The following ARHGAP10 variants were observed in gnomAD, a reference collection of about 807,000 sequenced individuals.
ARHGAP10 encodes the protein Rho GTPase activating protein 10.
In ARHGAP10, 87 loss-of-function variants were observed where a neutral mutation model predicts 108.6. The ratio of observed to expected loss-of-function variants is 0.80; its 90% CI spans 0.67 to 0.96. The LOEUF (loss-of-function observed/expected upper bound fraction) is 0.96. Among genes scored for constraint, ARHGAP10 ranks in the 40% least tolerant of loss-of-function variants. ARHGAP10 has a pLI of 0.00. For synonymous variants in ARHGAP10, 347 were observed against 341.1 expected (o/e 1.02, Z -0.19); for missense variants, 939 against 954.5 (o/e 0.98, Z 0.21).
chr4:148,039,201 A>T (rs1296637628), intron 19 of ARHGAP10, among the ~76,000 whole-genome samples: 1 of 152,018 alleles, frequency 6.6e-6, no homozygotes, highest in African/African-American at 2.4e-5. Context: ...TTAAATACTT[A>T]AGGAATTTCT....
intron 1 of ARHGAP10, among the ~76,000 whole-genome samples, chr4:147,780,626 C>G (rs771427526): frequency 5.3e-5 from 8 of 152,172 alleles, no homozygotes; most frequent in Non-Finnish European, 1.0e-4. Context: ...TTCCCCTCTT[C>G]TCCTTTGCAT....
At chr4:147,972,259 A>G (rs922279399) in intron 18 of ARHGAP10, among the ~76,000 whole-genome samples, 1 of 152,208 alleles carries the variant, frequency 6.6e-6, no homozygotes, top group Non-Finnish European at 1.5e-5. Flanking sequence ...TGGGTCTACT[A>G]TAAAGGGTAT....
chr4:148,037,579 A>C (rs1185793881), intron 19 of ARHGAP10, among the ~76,000 whole-genome samples: 2 of 152,152 alleles, frequency 1.3e-5, no homozygotes, highest in African/African-American at 4.8e-5. Flanking sequence ...TCACACCTGT[A>C]ATCCCAACCC....
chr4:147,886,678 T>C (rs1407895331), intron 10 of ARHGAP10, among the ~76,000 whole-genome samples: 2 of 152,232 alleles, frequency 1.3e-5, no homozygotes, highest in African/African-American at 4.8e-5. Flanking sequence ...AGAAGCAATT[T>C]CTACTGTATT....
rs183349054 is a variant in ARHGAP10, at chr4:147,886,166, A to G, written c.1034+4234A>G. Among the ~76,000 whole-genome samples, 291 of 152,326 alleles carry G rather than the reference A, an allele frequency of 1.9e-3. 4 individuals carry two copies. The highest frequency in any genetic ancestry group is 6.5e-4 in the Non-Finnish European group (44 of 68,028). Reference sequence around the variant, plus strand: ...GTATGTGCAAATATTCTAAAATCCAAAAAAAATTGAAATCCAGAACCCTTC... The same window carrying G: ...GTATGTGCAAATATTCTAAAATCCAGAAAAAATTGAAATCCAGAACCCTTC... On this transcript the variant is annotated intron_variant, in intron 10 of 22. Coordinates refer to ENST00000336498, the MANE Select transcript of ARHGAP10 (RefSeq NM_024605.4).
chr4:148,040,070 T>G (rs1728563802), intron 19 of ARHGAP10, among the ~76,000 whole-genome samples: 1 of 152,222 alleles, frequency 6.6e-6, no homozygotes, highest in African/African-American at 2.4e-5. Context: ...TCTTCTCCCC[T>G]TTCTTTTCAC....
intron 1 of ARHGAP10, among the ~76,000 whole-genome samples, chr4:147,805,946 A>G (rs1402433126): frequency 6.6e-6 from 1 of 152,154 alleles, no homozygotes; most frequent in Non-Finnish European, 1.5e-5. Flanking sequence ...AAGATTATTT[A>G]CTCTCCAACC....
At chr4:147,735,674 G>A (rs1018250274) in intron 1 of ARHGAP10, among the ~76,000 whole-genome samples, 8 of 152,290 alleles carry the variant, frequency 5.3e-5, no homozygotes, top group African/African-American at 1.7e-4. Flanking sequence ...AGACAGTATC[G>A]CACATTTGTG....
intron 18 of ARHGAP10, among the ~76,000 whole-genome samples, chr4:148,017,965 T>G (rs1332814383): frequency 6.6e-6 from 1 of 151,894 alleles, no homozygotes; most frequent in Admixed American, 6.5e-5. Flanking sequence ...TAAACATCCA[T>G]TGTGTTGTGT....
At chr4:148,043,641 A>ATATATATATATATATATATG in intron 19 of ARHGAP10, among the ~76,000 whole-genome samples, 1 of 121,638 alleles carries the variant, frequency 8.2e-6, no homozygotes, top group African/African-American at 2.9e-5. Flanking sequence ...ATATATATAT[A>ATATATATATATATATATATG]TATATATATA....
intron 10 of ARHGAP10, among the ~76,000 whole-genome samples, chr4:147,891,395 C>G (rs1413289059): frequency 6.6e-6 from 1 of 152,128 alleles, no homozygotes; most frequent in Non-Finnish European, 1.5e-5. Context: ...ATGTGCAGGA[C>G]AGACACATCT....
chr4:147,741,521 T>C (rs975750278), intron 1 of ARHGAP10, among the ~76,000 whole-genome samples: 1 of 152,106 alleles, frequency 6.6e-6, no homozygotes, highest in Non-Finnish European at 1.5e-5. Context: ...ACTGTCAAGC[T>C]AGTTGGGGCA....
chr4:147,956,472 T>C (rs1738790211), intron 16 of ARHGAP10, among the ~76,000 whole-genome samples: 1 of 152,132 alleles, frequency 6.6e-6, no homozygotes, highest in Non-Finnish European at 1.5e-5. Flanking sequence ...TGTTTTCACA[T>C]GGGGAGAGGA....
chr4:147,837,643 GTTTT>G (rs59933316), intron 3 of ARHGAP10, among the ~76,000 whole-genome samples: 973 of 70,244 alleles, frequency 0.014, 33 homozygotes, highest in African/African-American at 0.036. Context: ...TCTGGTCACT[GTTTT>G]TTTTTTTTTT....
intron 10 of ARHGAP10, among the ~76,000 whole-genome samples, chr4:147,895,034 C>A (rs764408541): frequency 6.6e-6 from 1 of 152,028 alleles, no homozygotes; most frequent in Non-Finnish European, 1.5e-5. Context: ...TATAAGAAAA[C>A]CCCCAAAACC....
At chr4:148,048,931 A>T (rs1729006202) in intron 20 of ARHGAP10, among the ~76,000 whole-genome samples, 1 of 151,416 alleles carries the variant, frequency 6.6e-6, no homozygotes. Flanking sequence ...GGTTGGGGGG[A>T]GTAGTTGAAG....
In ARHGAP10 at chr4:147,936,184, A is replaced by G. The variant is rs150021827; in HGVS notation, c.1229-3641A>G. Among the ~76,000 whole-genome samples, 651 of 152,228 alleles carry G rather than the reference A, an allele frequency of 4.3e-3. 3 individuals are homozygous for G. The highest frequency in any genetic ancestry group is 0.017 in the Middle Eastern group (5 of 294). On this transcript the variant is annotated intron_variant, in intron 13 of 22. Transcript: ENST00000336498. ...TCTGGATGTGCCCTTCTGGCTTCCA[A>G]AAAGAAGGAAGGATTGAGGCTCAAT...
intron 1 of ARHGAP10, among the ~76,000 whole-genome samples, chr4:147,736,048 T>G (rs1728398154): frequency 6.6e-6 from 1 of 151,936 alleles, no homozygotes; most frequent in South Asian, 2.1e-4. Context: ...TTTTTAAAAC[T>G]AACAGTCCTT....
At chr4:147,952,318 TTTGGGAAACTGACAAACTTTCTTCCCAAG>T (rs1447596249) in intron 15 of ARHGAP10, among the ~76,000 whole-genome samples, 2 of 152,190 alleles carry the variant, frequency 1.3e-5, no homozygotes, top group Non-Finnish European at 2.9e-5. Flanking sequence ...TGCTTAACTT[TTTGGGAAACTGACAAACTTTCTTCCCAAG>T]TTGATGTATT....
Sources: allele counts gnomAD v4.1 joint callset (sites outside exome capture counted in the v4.1 genomes callset), GRCh38; gene constraint gnomAD v4.1.1; transcripts MANE v1.5; gene names NCBI Gene and HGNC (gene_info 2026-07-23, HGNC 2026-07-21).